ANKRD16: variants seen among roughly 807,000 people sequenced by gnomAD.
ANKRD16 encodes the protein ankyrin repeat domain 16.
A neutral mutation model predicts 37.9 loss-of-function variants in ANKRD16; 35 were observed. That is an observed-to-expected ratio of 0.92 (90% CI 0.71 to 1.23). The LOEUF (loss-of-function observed/expected upper bound fraction) is 1.23. Among genes scored for constraint, ANKRD16 ranks in the 50% most tolerant of loss-of-function variants. The pLI is 0.00. For missense variants in ANKRD16, 480 were observed against 469.9 expected, an observed-to-expected ratio of 1.02 and a Z score of -0.20; for synonymous variants, 206 against 197.2, an observed-to-expected ratio of 1.04 and a Z score of -0.37.
intron 7 of ANKRD16, among the ~76,000 whole-genome samples, chr10:5,872,761 T>TTA (rs780194218): frequency 1.2e-3 from 179 of 151,998 alleles, no homozygotes; most frequent in Admixed American, 2.6e-3. Context: ...TTTCACCGTG[T>TTA]TAGCCAAGAT....
rs111932038 is a variant in ANKRD16 at position 5,865,405 on chromosome 10, C to A, written c.*34-2714G>T. 0.013 allele frequency among the ~76,000 whole-genome samples: 1,952 copies of A among 152,318 alleles called. 30 individuals are homozygous for A. Among genetic ancestry groups the A allele is most frequent in the African/African-American group, 0.038 (1,565 of 41,550 alleles). ...GGGCAAGCGCCAGCTCATGTCATCA[C>A]CCTCACTGAGCCCCAGGTATGTTTA... is the stretch of plus-strand genomic sequence containing the variant. On this transcript the variant is annotated intron_variant, in intron 7 of 7. Coordinates refer to ENST00000380094, the MANE Select transcript of ANKRD16 (RefSeq NM_019046.3). The surrounding 1 kb of genome is among the most constrained non-coding windows in gnomAD (Gnocchi z 4.7).
At chr10:5,887,708 C>CCCCCCCCCCCCCCCCCCCCCCG (rs1433532977) in intron 2 of ANKRD16, 139 bp downstream of exon 2, 3 of 194,012 alleles carry the variant, frequency 1.5e-5, no homozygotes, top group Admixed American at 6.0e-5. Context: ...CCCTCCCCCC[C>CCCCCCCCCCCCCCCCCCCCCCG]AGATGTTCTT....
chr10:5,864,107 C>A lies in ANKRD16; in HGVS notation c.*34-1416G>T, dbSNP rs1166449859. On this transcript the variant is annotated intron_variant, in intron 7 of 7. Coordinates refer to ENST00000380094, the MANE Select transcript of ANKRD16 (RefSeq NM_019046.3). The surrounding 1 kb of genome is among the most constrained non-coding windows in gnomAD (Gnocchi z 4.4). ...ATTACAATACTATCCTGCAGCTTGA[C>A]CTTTTCTGTAAGGGAGAAGGCAAAT... Among the ~76,000 whole-genome samples the A allele has an allele frequency of 1.3e-5, 2 of 152,118 alleles. No homozygotes were observed. Among genetic ancestry groups the A allele is most frequent in the African/African-American group, 4.8e-5 (2 of 41,392 alleles).
In ANKRD16 at chr10:5,885,714, T is replaced by C. The variant is rs1477635119; in HGVS notation, c.578+9A>G. On this transcript the variant is annotated intron_variant, in intron 3 of 7. Transcript: ENST00000380094. ...AAATATTTTCCCTGACTTGCTGTATTGTTCTTACCTCTTAAGAAGCACCTT... is the reference window on the plus strand; with the variant it reads ...AAATATTTTCCCTGACTTGCTGTATCGTTCTTACCTCTTAAGAAGCACCTT... 2 of 1,613,566 alleles carry C rather than the reference T, an allele frequency of 1.2e-6. No homozygotes were observed. Among genetic ancestry groups the C allele is most frequent in the Admixed American group, 1.7e-5 (1 of 59,880 alleles).
intron 7 of ANKRD16, among the ~76,000 whole-genome samples, chr10:5,877,862 T>G (rs1842209367): frequency 6.6e-6 from 1 of 152,252 alleles, no homozygotes; most frequent in Non-Finnish European, 1.5e-5. Context: ...TTATCTATTC[T>G]ACTTTAAGAG....
rs568067300 is a variant in ANKRD16, at chr10:5,870,565, A to G, written c.*33+7532T>C. ...ACTACAGGCACACCACGCCCAGCTA[A>G]TTTTTTGTATTTTTTGTAGAGGCAG... is the stretch of plus-strand genomic sequence containing the variant. On this transcript the variant is annotated intron_variant, in intron 7 of 7. Coordinates refer to ENST00000380094, the MANE Select transcript of ANKRD16 (RefSeq NM_019046.3). The surrounding 1 kb of genome is among the most constrained non-coding windows in gnomAD (Gnocchi z 5.0). Among the ~76,000 whole-genome samples the G allele has an allele frequency of 6.6e-6, 1 of 152,010 alleles. No homozygotes were observed. The highest frequency in any genetic ancestry group is 2.4e-5 in the African/African-American group (1 of 41,440).
chr10:5,872,743 AGACGG>A (rs1431762145), intron 7 of ANKRD16, among the ~76,000 whole-genome samples: 1 of 151,614 alleles, frequency 6.6e-6, no homozygotes, highest in Non-Finnish European at 1.5e-5. Context: ...TTTTTAGTAG[AGACGG>A]GATTTCACCG....
In ANKRD16 at chr10:5,866,146, T is replaced by C. The variant is rs1842010523; in HGVS notation, c.*34-3455A>G. On this transcript the variant is annotated intron_variant, in intron 7 of 7. Transcript: ENST00000380094. This position sits in a 1 kb window ranked among gnomAD's most constrained non-coding sequence, Gnocchi z 4.3. ...AAGTTATGGCTATCAGACAACCGCC[T>C]ACCTAGATACCAGGCACTACTCCTT... is the stretch of plus-strand genomic sequence containing the variant. 6.6e-6 allele frequency among the ~76,000 whole-genome samples: 1 copy of C among 152,170 alleles called. No individual in the cohort carries two copies. The highest frequency in any genetic ancestry group is 6.5e-5 in the Admixed American group (1 of 15,268).
chr10:5,869,475 G>C lies in ANKRD16; in HGVS notation c.*34-6784C>G, dbSNP rs944601870. On this transcript the variant is annotated intron_variant, in intron 7 of 7. Coordinates refer to ENST00000380094, the MANE Select transcript of ANKRD16 (RefSeq NM_019046.3). This position sits in a 1 kb window ranked among gnomAD's most constrained non-coding sequence, Gnocchi z 4.0. ...TGCCCAGGCCTTTGCTCCCCTAATG[G>C]ACTATTTCACCCTTCCCTAACTCGT... 3.3e-5 allele frequency among the ~76,000 whole-genome samples: 5 copies of C among 151,972 alleles called. No homozygotes were observed. The highest frequency in any genetic ancestry group is 5.9e-5 in the Non-Finnish European group (4 of 67,992).
chr10:5,888,951 A>ACGGTGTC (rs1172248563), intron 1 of ANKRD16, 90 bp downstream of exon 1: 2 of 1,343,150 alleles, frequency 1.5e-6, no homozygotes, highest in Non-Finnish European at 2.0e-6. Context: ...GAGAACAGCT[A>ACGGTGTC]CGGTGTCCAA....
At chr10:5,883,514 C>G (rs1842355127) in intron 4 of ANKRD16, among the ~76,000 whole-genome samples, 1 of 152,112 alleles carries the variant, frequency 6.6e-6, no homozygotes, top group African/African-American at 2.4e-5. Context: ...AGGCTGGTCT[C>G]AAATTCCTGA....
At chr10:5,881,296 A>C (rs1564417799) in intron 5 of ANKRD16, among the ~76,000 whole-genome samples, 2 of 151,094 alleles carry the variant, frequency 1.3e-5, no homozygotes, top group South Asian at 4.2e-4. Flanking sequence ...AAACTCTAAA[A>C]TTTCCCAAGC....
At chr10:5,872,381 A>G (rs1842104702) in intron 7 of ANKRD16, among the ~76,000 whole-genome samples, 1 of 151,904 alleles carries the variant, frequency 6.6e-6, no homozygotes, top group Admixed American at 6.6e-5. Context: ...CAGGAGGCTG[A>G]GGTATGAGAA....
chr10:5,872,963 C>T (rs1368595250), intron 7 of ANKRD16, among the ~76,000 whole-genome samples: 3 of 151,400 alleles, frequency 2.0e-5, no homozygotes, highest in East Asian at 2.0e-4. Flanking sequence ...TGGGTTCAAG[C>T]GATTCTATGC....
chr10:5,870,942 T>C lies in ANKRD16; in HGVS notation c.*33+7155A>G, dbSNP rs1842079721. Among the ~76,000 whole-genome samples, 1 of 152,154 alleles carries C rather than the reference T, an allele frequency of 6.6e-6. No homozygotes were observed. Among genetic ancestry groups the C allele is most frequent in the African/African-American group, 2.4e-5 (1 of 41,420 alleles). ...GGAGCGCCCAGGCCTGTCCTCAGTA[T>C]CAAGTCAATCACATTTTCAGCATGG... On this transcript the variant is annotated intron_variant, in intron 7 of 7. Transcript: ENST00000380094. This position sits in a 1 kb window ranked among gnomAD's most constrained non-coding sequence, Gnocchi z 5.0.
rs535410706 is a variant in ANKRD16 at position 5,874,580 on chromosome 10, C to T, written c.*33+3517G>A. 6.6e-6 allele frequency among the ~76,000 whole-genome samples: 1 copy of T among 152,262 alleles called. No individual in the cohort carries two copies. The highest frequency in any genetic ancestry group is 2.1e-4 in the South Asian group (1 of 4,824). ...CTTAAGAGGGAGGAGTCATGACTGA[C>T]CCCCAGCTTTCCAACACAGGTTGGG... On this transcript the variant is annotated intron_variant, in intron 7 of 7. Transcript: ENST00000380094. This position sits in a 1 kb window ranked among gnomAD's most constrained non-coding sequence, Gnocchi z 4.7.
chr10:5,872,747 G>A (rs745884745), intron 7 of ANKRD16, among the ~76,000 whole-genome samples: 59 of 151,828 alleles, frequency 3.9e-4, no homozygotes, highest in African/African-American at 1.2e-3. Context: ...TAGTAGAGAC[G>A]GGATTTCACC....
At chr10:5,875,133 G>A (rs1464412875) in intron 7 of ANKRD16, among the ~76,000 whole-genome samples, 2 of 152,142 alleles carry the variant, frequency 1.3e-5, no homozygotes, top group Admixed American at 6.5e-5. Context: ...GTGCCTATGA[G>A]CTGAGGGTAT....
In ANKRD16 at chr10:5,865,422, G is replaced by A. The variant is rs943355570; in HGVS notation, c.*34-2731C>T. Among the ~76,000 whole-genome samples, 2 of 152,166 alleles carry A rather than the reference G, an allele frequency of 1.3e-5. No homozygotes were observed. Among genetic ancestry groups the A allele is most frequent in the Admixed American group, 6.5e-5 (1 of 15,282 alleles). The stretch of plus-strand genomic sequence containing the variant: ...TGTCATCACCCTCACTGAGCCCCAG[G>A]TATGTTTAACTATTGAGGGCCAGGA... On this transcript the variant is annotated intron_variant, in intron 7 of 7. Coordinates refer to ENST00000380094, the MANE Select transcript of ANKRD16 (RefSeq NM_019046.3). The surrounding 1 kb of genome is among the most constrained non-coding windows in gnomAD (Gnocchi z 4.7).
Sources: gnomAD v4.1 joint callset for allele counts (sites outside exome capture counted in the v4.1 genomes callset) on GRCh38, gnomAD v4.1.1 for gene constraint, Gnocchi (gnomAD v3.1) non-coding constraint, MANE v1.5 for transcripts, NCBI Gene and HGNC (gene_info 2026-07-23, HGNC 2026-07-21) for gene names.